Variants in SLC36A1 observed in about 807,000 individuals in gnomAD.
SLC36A1 encodes the protein solute carrier family 36 member 1.
A neutral mutation model predicts 47.5 loss-of-function variants in SLC36A1; 30 were observed. That is an observed-to-expected ratio of 0.63 (90% CI 0.47 to 0.86). The LOEUF (loss-of-function observed/expected upper bound fraction) is 0.86, where lower values mean the gene tolerates loss of function less well. Among genes scored for constraint, SLC36A1 ranks in the 40% least tolerant of loss-of-function variants. The probability of loss-of-function intolerance (pLI) is 0.00; values close to 1 mark genes in which losing one functional copy is unlikely to be tolerated. For missense variants in SLC36A1, 517 were observed against 606.0 expected, an observed-to-expected ratio of 0.85 and a Z score of 1.54; for synonymous variants, 255 against 249.7, an observed-to-expected ratio of 1.02 and a Z score of -0.20.
Position 151,476,745 on chromosome 5 carries a change from G to C in SLC36A1, c.978G>C (p.Leu326=). ...ANIQGSITLN[L]PNCWLYQSVK... is the part of the protein sequence containing the mutation. ...TCCAAGGCAGCATAACCCTCAACCT[G>C]CCCAACTGCTGGTACGTGGAGGGAG... The change falls in exon 9 of 11, where the codon CTG becomes CTC. Residue 326 remains leucine (L), a synonymous_variant. Coordinates refer to ENST00000243389, the MANE Select transcript of SLC36A1 (RefSeq NM_078483.4). The C allele has an allele frequency of 6.2e-7, 1 of 1,610,982 alleles. No homozygotes were observed. Among genetic ancestry groups the C allele is most frequent in the Non-Finnish European group, 8.5e-7 (1 of 1,178,312 alleles).
chr5:151,372,600 C>A, the SLC36A1 span, among the ~76,000 whole-genome samples: 71,798 of 151,772 alleles, frequency 0.47, 18,275 homozygotes, highest in African/African-American at 0.67. Flanking sequence ...CATGTCACCA[C>A]GCCCATCTAT....
chr5:151,530,800 G>A, the SLC36A1 span, among the ~76,000 whole-genome samples: 2 of 152,226 alleles, frequency 1.3e-5, no homozygotes, highest in Non-Finnish European at 2.9e-5. Flanking sequence ...AGGGGCCAAA[G>A]GGTAAAGAGG....
At chr5:151,347,599 G>T in the SLC36A1 span, 2 of 1,037,612 alleles carry the variant, frequency 1.9e-6, no homozygotes, top group Non-Finnish European at 2.9e-6. Context: ...CTGGAACGAG[G>T]CCCCGCCCAC....
chr5:151,483,518 G>GTT (rs57968429), intron 10 of SLC36A1, among the ~76,000 whole-genome samples: 7 of 138,072 alleles, frequency 5.1e-5, no homozygotes, highest in East Asian at 2.1e-4. Context: ...TTGTGTGTGT[G>GTT]GGGGGGGTGA....
At chr5:151,377,790 T>C in the SLC36A1 span, among the ~76,000 whole-genome samples, 38 of 152,370 alleles carry the variant, frequency 2.5e-4, no homozygotes, top group Middle Eastern at 3.4e-3. Context: ...CTTTTTTAAC[T>C]ATTTTTGATT....
chr5:151,396,919 C>T, the SLC36A1 span, among the ~76,000 whole-genome samples: 1 of 152,188 alleles, frequency 6.6e-6, no homozygotes, highest in African/African-American at 2.4e-5. Context: ...CTCCCACTGA[C>T]TTCAGAAGTC....
chr5:151,350,250 A>G, the SLC36A1 span, among the ~76,000 whole-genome samples: 1 of 152,012 alleles, frequency 6.6e-6, no homozygotes, highest in South Asian at 2.1e-4. Context: ...AGTCTATTCT[A>G]TGTGCCAAGC....
the SLC36A1 span, among the ~76,000 whole-genome samples, chr5:151,355,007 G>A: frequency 6.6e-6 from 1 of 152,144 alleles, no homozygotes; most frequent in Non-Finnish European, 1.5e-5. Context: ...GGAGACCATG[G>A]TAAGTCCTCC....
chr5:151,467,646 G>T, intron 6 of SLC36A1, 61 bp from the exon 7 acceptor site: 1 of 1,405,934 alleles, frequency 7.1e-7, no homozygotes, highest in African/African-American at 1.4e-5. Context: ...TTCCAGCAGA[G>T]GATCCACCGG....
At chr5:151,520,552 A>G in the SLC36A1 span, among the ~76,000 whole-genome samples, 1 of 152,208 alleles carries the variant, frequency 6.6e-6, no homozygotes, top group Non-Finnish European at 1.5e-5. Context: ...CGGGAATGAC[A>G]GTCACCGTTG....
the SLC36A1 span, chr5:151,537,979 G>A: frequency 6.2e-7 from 1 of 1,604,468 alleles, no homozygotes; most frequent in Non-Finnish European, 8.5e-7. Context: ...GAGGGAGACT[G>A]TGGGGACTGC....
chr5:151,534,033 A>G, the SLC36A1 span, among the ~76,000 whole-genome samples: 76,575 of 151,876 alleles, frequency 0.5, 20,493 homozygotes, highest in East Asian at 0.89. Flanking sequence ...TGGGGTTGGT[A>G]CCCAAAATTC....
At position 151,491,568 on chromosome 5, in the gene SLC36A1, A is replaced by C. The variant is rs1196643854; in HGVS notation, c.*3314A>C. 2.6e-5 allele frequency: 4 copies of C among 152,508 alleles called. No homozygotes were observed. The highest frequency in any genetic ancestry group is 5.9e-5 in the Non-Finnish European group (4 of 68,028). The allele number at this position is 152,508 out of a possible 1,614,324, so 9.4% of individuals were successfully genotyped here. A position where few individuals can be genotyped will look rare whatever the true frequency, so the allele number is the denominator to read the frequency against. On this transcript the variant is annotated 3_prime_UTR_variant, in exon 11 of 11. Transcript: ENST00000243389. ...AGAACATTCTCTCTGTTTAGCACTA[A>C]TGTTCACCTCGTATTTTTTGGAAGT...
At chr5:151,434,078 C>T (rs915285473), upstream of SLC36A1, among the ~76,000 whole-genome samples, 1 of 152,222 alleles carries the variant, frequency 6.6e-6, no homozygotes, top group Admixed American at 6.5e-5. Flanking sequence ...TAGTTGCCAG[C>T]TGCTGGCAGA....
chr5:151,474,653 G>A (rs1344113474), intron 8 of SLC36A1, among the ~76,000 whole-genome samples: 2 of 152,094 alleles, frequency 1.3e-5, no homozygotes, highest in African/African-American at 4.8e-5. Flanking sequence ...CATTGGTTTG[G>A]TGTATTTTCT....
the SLC36A1 span, among the ~76,000 whole-genome samples, chr5:151,533,001 T>C: frequency 6.6e-6 from 1 of 152,192 alleles, no homozygotes; most frequent in Non-Finnish European, 1.5e-5. Context: ...GAGATGCTGG[T>C]CAAACCACAC....
At chr5:151,462,624 A>G (rs1254958737) in intron 2 of SLC36A1, among the ~76,000 whole-genome samples, 1 of 151,546 alleles carries the variant, frequency 6.6e-6, no homozygotes, top group East Asian at 1.9e-4. Flanking sequence ...TGGCCTCCCA[A>G]AGTGCTGGGA....
the SLC36A1 span, among the ~76,000 whole-genome samples, chr5:151,405,603 T>G: frequency 6.6e-6 from 1 of 152,304 alleles, no homozygotes; most frequent in Non-Finnish European, 1.5e-5. Context: ...GGGGAGCTAG[T>G]GTGAACCTTT....
the SLC36A1 span, among the ~76,000 whole-genome samples, chr5:151,354,957 C>T: frequency 5.3e-5 from 8 of 151,830 alleles, 1 homozygote; most frequent in East Asian, 1.9e-4. Context: ...TTCACCATAG[C>T]GGGGAAATAC....
Sources: allele counts gnomAD v4.1 joint callset (sites outside exome capture counted in the v4.1 genomes callset), GRCh38; gene constraint gnomAD v4.1.1; transcripts MANE v1.5; gene names NCBI Gene and HGNC (gene_info 2026-07-23, HGNC 2026-07-21).